The following CCSER1 variants were observed in gnomAD, a reference collection of about 807,000 sequenced individuals.
The protein encoded by CCSER1 is serine-rich coiled-coil domain-containing protein 1.
Under a neutral mutation model 82.0 loss-of-function variants are expected in CCSER1, and 41 were observed. That is an observed-to-expected ratio of 0.50 (90% CI 0.39 to 0.65). The LOEUF (loss-of-function observed/expected upper bound fraction) is 0.65. Among genes scored for constraint, CCSER1 ranks in the 30% least tolerant of loss-of-function variants. CCSER1 has a pLI of 0.00. For missense variants in CCSER1, 1,119 were observed against 1,064.2 expected (o/e 1.05, Z -0.72); for synonymous variants, 414 against 383.9 (o/e 1.08, Z -0.92).
intron 3 of CCSER1, among the ~76,000 whole-genome samples, chr4:90,390,633 G>A (rs1449167962): frequency 6.6e-6 from 1 of 152,126 alleles, no homozygotes; most frequent in Non-Finnish European, 1.5e-5. Flanking sequence ...TTATGGCTGT[G>A]TGGTATTCCA....
chr4:91,131,962 G>A (rs1728037844), intron 10 of CCSER1, among the ~76,000 whole-genome samples: 1 of 151,704 alleles, frequency 6.6e-6, no homozygotes. Flanking sequence ...ACTTCAAAAT[G>A]AAGATGATAA....
rs1454728344 is a variant in CCSER1 at position 91,252,406 on chromosome 4, AT to A, written c.2217+166415del. On this transcript the variant is annotated intron_variant, in intron 10 of 10. Coordinates refer to ENST00000509176, the MANE Select transcript of CCSER1 (RefSeq NM_001145065.2). ...AAATAAGATGTGTGAAAAAATAAAG[AT>A]TTAAATAAAGATAAGTACATGGACA... Among the ~76,000 whole-genome samples, 3 of 152,290 alleles carry A rather than the reference AT, an allele frequency of 2.0e-5. No homozygotes were observed. The East Asian group carries it at 5.8e-4, about 29-fold the overall frequency.
At chr4:90,792,591 G>A (rs1159090364) in intron 7 of CCSER1, among the ~76,000 whole-genome samples, 4 of 152,138 alleles carry the variant, frequency 2.6e-5, no homozygotes, top group African/African-American at 4.8e-5. Flanking sequence ...GAGATTTAGC[G>A]ATTCTTTTGA....
chr4:91,002,486 A>G (rs1170851526), intron 9 of CCSER1, among the ~76,000 whole-genome samples: 2 of 152,092 alleles, frequency 1.3e-5, no homozygotes, highest in Non-Finnish European at 2.9e-5. Context: ...GGTTAATTGG[A>G]GACCCTGTCT....
intron 9 of CCSER1, among the ~76,000 whole-genome samples, chr4:91,021,380 T>G (rs1739950249): frequency 6.6e-6 from 1 of 152,108 alleles, no homozygotes; most frequent in Admixed American, 6.6e-5. Context: ...TTGTAAAAAA[T>G]ACAGACACTG....
chr4:90,365,096 A>G (rs11097247), intron 3 of CCSER1, among the ~76,000 whole-genome samples: 70,492 of 151,470 alleles, frequency 0.47, 16,636 homozygotes, highest in South Asian at 0.59. Context: ...GTAGTATTGC[A>G]TATATTTTTG....
At chr4:91,167,185 C>CTT (rs55920118) in intron 10 of CCSER1, among the ~76,000 whole-genome samples, 42,595 of 121,338 alleles carry the variant, frequency 0.35, 8,957 homozygotes, top group East Asian at 0.45. Flanking sequence ...AATTGCAATA[C>CTT]TTTTTTTTTT....
rs1254831279 is a variant in CCSER1, at chr4:91,106,336, G to A, written c.2217+20342G>A. Reference sequence around the variant, plus strand: ...AAGTCATAGTTAGTAAGCCCAGGAAGCCAGAATTCAAAGCTAGAAAATATG... The same window carrying A: ...AAGTCATAGTTAGTAAGCCCAGGAAACCAGAATTCAAAGCTAGAAAATATG... On this transcript the variant is annotated intron_variant, in intron 10 of 10. Transcript: ENST00000509176. Among the ~76,000 whole-genome samples the A allele has an allele frequency of 2.0e-5, 3 of 152,162 alleles. No homozygotes were observed. The East Asian group carries it at 5.8e-4, about 29-fold the overall frequency.
At chr4:91,042,528 T>C (rs1381292) in intron 9 of CCSER1, among the ~76,000 whole-genome samples, 56,435 of 152,028 alleles carry the variant, frequency 0.37, 11,741 homozygotes, top group East Asian at 0.63. Flanking sequence ...TTTATCAAAG[T>C]AGGTCTGTGC....
intron 7 of CCSER1, among the ~76,000 whole-genome samples, chr4:90,788,737 A>G (rs912444684): frequency 9.9e-5 from 15 of 152,152 alleles, no homozygotes; most frequent in African/African-American, 3.6e-4. Flanking sequence ...GGGGCCGGGG[A>G]GAAACAATTC....
chr4:91,056,400 G>T (rs965304690), intron 9 of CCSER1, among the ~76,000 whole-genome samples: 1 of 152,148 alleles, frequency 6.6e-6, no homozygotes, highest in African/African-American at 2.4e-5. Context: ...CTGCTTCCAA[G>T]ATGGCACCTT....
At chr4:90,513,721 A>G (rs1328418450) in intron 5 of CCSER1, among the ~76,000 whole-genome samples, 1 of 152,178 alleles carries the variant, frequency 6.6e-6, no homozygotes, top group Non-Finnish European at 1.5e-5. Flanking sequence ...TCATAATTCT[A>G]GGAGACTGGG....
intron 5 of CCSER1, among the ~76,000 whole-genome samples, chr4:90,469,108 A>C (rs552575647): frequency 6.6e-6 from 1 of 152,142 alleles, no homozygotes; most frequent in South Asian, 2.1e-4. Flanking sequence ...GCTGCCAAGG[A>C]TTTTGGGCTG....
intron 10 of CCSER1, among the ~76,000 whole-genome samples, chr4:91,362,911 G>A (rs926842095): frequency 6.6e-6 from 1 of 151,588 alleles, no homozygotes; most frequent in Non-Finnish European, 1.5e-5. Context: ...TTATGTACAT[G>A]TACCACTCCT....
chr4:90,768,761 C>T (rs930211385), intron 7 of CCSER1, among the ~76,000 whole-genome samples: 1 of 152,064 alleles, frequency 6.6e-6, no homozygotes, highest in African/African-American at 2.4e-5. Context: ...GAAAATGTGC[C>T]TAAAAGACTG....
chr4:90,342,526 C>T (rs1299651070), intron 3 of CCSER1, among the ~76,000 whole-genome samples: 1 of 152,152 alleles, frequency 6.6e-6, no homozygotes. Context: ...ATACTTCCCA[C>T]ATATACATTT....
At chr4:91,233,847 C>A (rs1384173951) in intron 10 of CCSER1, among the ~76,000 whole-genome samples, 2 of 151,556 alleles carry the variant, frequency 1.3e-5, no homozygotes, top group Non-Finnish European at 3.0e-5. Context: ...TTGGCAACTA[C>A]AAACGAATAA....
chr4:90,216,361 T>G (rs1007031218), intron 1 of CCSER1, among the ~76,000 whole-genome samples: 1 of 152,170 alleles, frequency 6.6e-6, no homozygotes, highest in Non-Finnish European at 1.5e-5. Flanking sequence ...ACTCAAAGGA[T>G]TTCTCCCTAC....
At chr4:91,099,512 A>G (rs1242668568) in intron 10 of CCSER1, among the ~76,000 whole-genome samples, 1 of 152,212 alleles carries the variant, frequency 6.6e-6, no homozygotes, top group African/African-American at 2.4e-5. Flanking sequence ...ACCATGGTCC[A>G]TGACATAGCC....
Sources: gnomAD v4.1 joint callset for allele counts (sites outside exome capture counted in the v4.1 genomes callset) on GRCh38, gnomAD v4.1.1 for gene constraint, MANE v1.5 for transcripts, NCBI Gene and HGNC (gene_info 2026-07-23, HGNC 2026-07-21) for gene names.